The following UST variants were observed in gnomAD, a reference collection of about 807,000 sequenced individuals.
UST encodes the protein uronyl 2-sulfotransferase.
In UST, 21 loss-of-function variants were observed where a neutral mutation model predicts 45.6. The observed-to-expected ratio is 0.46, with a 90% CI of 0.33 to 0.66. The LOEUF is 0.66. UST is among the 30% of genes least tolerant of loss of function. The pLI is 0.02. For synonymous variants in UST, 215 were observed against 200.6 expected, an observed-to-expected ratio of 1.07 and a Z score of -0.61; for missense variants, 463 against 512.4, an observed-to-expected ratio of 0.90 and a Z score of 0.93.
intron 5 of UST, among the ~76,000 whole-genome samples, chr6:149,012,418 T>A (rs1385312845): frequency 6.6e-6 from 1 of 152,226 alleles, no homozygotes; most frequent in Non-Finnish European, 1.5e-5. Context: ...GTACTCTGAT[T>A]ACCGTGGTCC....
At chr6:149,015,138 A>G (rs1775877915) in intron 5 of UST, among the ~76,000 whole-genome samples, 1 of 152,164 alleles carries the variant, frequency 6.6e-6, no homozygotes, top group Non-Finnish European at 1.5e-5. Context: ...TCAAAAGATG[A>G]GAGTCACCCA....
rs1781585011 is a variant in UST at position 149,003,172 on chromosome 6, G to A, written c.682-15967G>A. ...TGGCATGATAGAACTATGGCCAATG[G>A]AACTATGCCTTTATACAAGGCCTTT... On this transcript the variant is annotated intron_variant, in intron 5 of 7. Transcript: ENST00000367463. Among the ~76,000 whole-genome samples, 4 of 152,252 alleles carry A rather than the reference G, an allele frequency of 2.6e-5. No individual in the cohort carries two copies. In the South Asian group the frequency reaches 6.2e-4, roughly 24 times the overall value.
intron 2 of UST, among the ~76,000 whole-genome samples, chr6:148,889,889 G>A (rs1391457364): frequency 6.6e-6 from 1 of 150,932 alleles, no homozygotes; most frequent in East Asian, 1.9e-4. Flanking sequence ...TGCCCCTACA[G>A]TCTGGTCTTC....
chr6:148,973,568 G>C (rs1669282640), intron 5 of UST, among the ~76,000 whole-genome samples: 1 of 152,186 alleles, frequency 6.6e-6, no homozygotes, highest in Non-Finnish European at 1.5e-5. Flanking sequence ...GAAGCGATGG[G>C]ATGAAGTTTT....
intron 1 of UST, among the ~76,000 whole-genome samples, chr6:148,860,751 A>G (rs1778296709): frequency 1.3e-5 from 2 of 152,226 alleles, no homozygotes; most frequent in Non-Finnish European, 2.9e-5. Flanking sequence ...CTATTGAGAT[A>G]ATCACATGGT....
At chr6:149,048,137 TAATGAAAATATGAAAGGAATA>T (rs759353916) in intron 7 of UST, among the ~76,000 whole-genome samples, 4,945 of 151,782 alleles carry the variant, frequency 0.033, 112 homozygotes, top group Non-Finnish European at 0.051. Context: ...ATTTTTTTTT[TAATGAAAATATGAAAGGAATA>T]GAGGAAAATA....
chr6:148,931,953 C>G (rs531966039), intron 2 of UST, among the ~76,000 whole-genome samples: 51 of 152,350 alleles, frequency 3.3e-4, no homozygotes, highest in Non-Finnish European at 5.6e-4. Flanking sequence ...AAGGTTTAGC[C>G]TCGCAAACTT....
At chr6:148,999,593 C>A (rs1472381013) in intron 5 of UST, among the ~76,000 whole-genome samples, 2 of 151,682 alleles carry the variant, frequency 1.3e-5, no homozygotes, top group Admixed American at 6.6e-5. Context: ...TAAGAAGAAC[C>A]CTCAGGAATA....
At chr6:149,057,383 TGATA>T (rs1256059361) in intron 7 of UST, among the ~76,000 whole-genome samples, 2 of 152,188 alleles carry the variant, frequency 1.3e-5, no homozygotes, top group Non-Finnish European at 2.9e-5. Flanking sequence ...GCAAGGTAGG[TGATA>T]GATTGATTTC....
At chr6:148,999,344 A>G (rs114763720) in intron 5 of UST, among the ~76,000 whole-genome samples, 19 of 152,374 alleles carry the variant, frequency 1.2e-4, no homozygotes, top group African/African-American at 4.6e-4. Context: ...CCACTTTTAG[A>G]AACTATAATA....
At chr6:148,808,325 C>T (rs867850265) in intron 1 of UST, among the ~76,000 whole-genome samples, 2 of 152,180 alleles carry the variant, frequency 1.3e-5, no homozygotes, top group Admixed American at 6.5e-5. Context: ...CCCTCATAGG[C>T]GAATGTTTTC....
chr6:148,875,607 C>T (rs1392192481), intron 1 of UST, among the ~76,000 whole-genome samples: 1 of 152,186 alleles, frequency 6.6e-6, no homozygotes, highest in Non-Finnish European at 1.5e-5. Flanking sequence ...AGTTCAAGAC[C>T]AGCCTGGCCA....
chr6:148,828,801 T>C (rs1374659028), intron 1 of UST, among the ~76,000 whole-genome samples: 1 of 152,242 alleles, frequency 6.6e-6, no homozygotes, highest in Non-Finnish European at 1.5e-5. Context: ...ACTTTTCAAG[T>C]CTTAATGAAT....
chr6:148,939,221 A>G (rs1780078639), intron 2 of UST, among the ~76,000 whole-genome samples: 2 of 152,210 alleles, frequency 1.3e-5, no homozygotes, highest in South Asian at 4.1e-4. Flanking sequence ...AAATAGGAAG[A>G]CATCCATGTT....
chr6:148,771,603 G>A (rs1394298470), intron 1 of UST, among the ~76,000 whole-genome samples: 1 of 152,226 alleles, frequency 6.6e-6, no homozygotes, highest in Non-Finnish European at 1.5e-5. Context: ...TAGGTGGATA[G>A]TCCTTTAGAT....
At chr6:148,926,534 A>G (rs1208134156) in intron 2 of UST, among the ~76,000 whole-genome samples, 1 of 152,186 alleles carries the variant, frequency 6.6e-6, no homozygotes, top group East Asian at 1.9e-4. Context: ...CTTGGCTTGT[A>G]GCATGGCCCT....
At chr6:148,835,754 T>A (rs1417246496) in intron 1 of UST, among the ~76,000 whole-genome samples, 1 of 152,208 alleles carries the variant, frequency 6.6e-6, no homozygotes, top group Non-Finnish European at 1.5e-5. Flanking sequence ...CATTTCTGAA[T>A]CCTAAGTATT....
rs187891383 is a variant in UST, at chr6:148,946,763, G to A, written c.447+5329G>A. ...TGGGAGGTGGAGCTTGCAGTGAGCC[G>A]AGATTGCGCCACTGCACTCTAGCCT... On this transcript the variant is annotated intron_variant, in intron 3 of 7. Transcript: ENST00000367463. 1.6e-3 allele frequency among the ~76,000 whole-genome samples: 207 copies of A among 129,626 alleles called. 2 individuals carry two copies. Among genetic ancestry groups the A allele is most frequent in the South Asian group, 2.3e-3 (9 of 3,926 alleles). 85.0% of individuals were successfully genotyped at this position (129,626 alleles called of 152,430 possible).
At chr6:148,754,602 A>C (rs546345907) in intron 1 of UST, among the ~76,000 whole-genome samples, 8 of 152,182 alleles carry the variant, frequency 5.3e-5, no homozygotes, top group African/African-American at 1.7e-4. Flanking sequence ...CTATTTTTGA[A>C]TTGGGTTGTT....
Sources: allele counts gnomAD v4.1 joint callset (sites outside exome capture counted in the v4.1 genomes callset), GRCh38; gene constraint gnomAD v4.1.1; transcripts MANE v1.5; gene names NCBI Gene and HGNC (gene_info 2026-07-23, HGNC 2026-07-21).